The following ACAA1 variants were observed in gnomAD, a reference collection of about 807,000 sequenced individuals.
ACAA1 encodes acetyl-CoA acyltransferase 1.
In ACAA1, 44 loss-of-function variants were observed where a neutral mutation model predicts 48.8. The observed-to-expected ratio is 0.90, with a 90% CI of 0.71 to 1.16. The LOEUF (loss-of-function observed/expected upper bound fraction) is 1.16, where lower values mean the gene tolerates loss of function less well. ACAA1 is among the 50% of genes most tolerant of loss of function. ACAA1 has a pLI of 0.00. For missense variants in ACAA1, 512 were observed against 562.3 expected, an observed-to-expected ratio of 0.91 and a Z score of 0.90; for synonymous variants, 233 against 226.5, an observed-to-expected ratio of 1.03 and a Z score of -0.26.
intron 3 of ACAA1, chr3:38,132,529 G>A (rs1414938915): frequency 6.5e-6 from 1 of 153,318 alleles, no homozygotes. Context: ...CCACCTAGAC[G>A]AAGCACTCTG....
At chr3:38,133,842 A>C (rs1700835615) in intron 3 of ACAA1, 110 bp downstream of exon 3, 2 of 1,142,160 alleles carry the variant, frequency 1.8e-6, no homozygotes, top group Admixed American at 1.9e-5. Context: ...TCGTTGCCTC[A>C]TTCTGGTGTC....
In ACAA1 at chr3:38,137,026, G is replaced by C. The variant is rs1575270316; in HGVS notation, c.10C>G (p.Leu4Val). The C allele has an allele frequency of 6.4e-7, 1 of 1,565,954 alleles. No homozygotes were observed. The highest frequency in any genetic ancestry group is 1.2e-5 in the South Asian group (1 of 85,188). ...CTCAGGTGGCCCAGCACTACCTGCA[G>C]CCTCTGCATTGCGCAGGTCAACCCT... MQR[L>V]QVVLGHLRGP... Residue 4 changes from leucine to valine, a missense_variant, in exon 1 of 12, where the codon CTG (leucine) becomes GTG (valine). Leu to Val is a conservative substitution (Grantham distance 32). Coordinates refer to ENST00000333167, the MANE Select transcript of ACAA1 (RefSeq NM_001607.4).
chr3:38,131,665 C>A (rs1338723142), intron 4 of ACAA1, 27 bp from the exon 5 acceptor site: 2 of 1,613,592 alleles, frequency 1.2e-6, no homozygotes, highest in African/African-American at 2.7e-5. Context: ...TCATAAACAT[C>A]CTTTGCCAGA....
In ACAA1 at chr3:38,129,127, A is replaced by G. The variant is rs1700736800; in HGVS notation, c.545+163T>C. 6.6e-6 allele frequency among the ~76,000 whole-genome samples: 1 copy of G among 152,174 alleles called. No individual in the cohort carries two copies. The highest frequency in any genetic ancestry group is 1.5e-5 in the Non-Finnish European group (1 of 68,026). Reference sequence around the variant, plus strand: ...TGGGGCCTTCAGGAAATGGAAGTCAAGGGCAACATCAAGTCTCATCCCCAA... The same window carrying G: ...TGGGGCCTTCAGGAAATGGAAGTCAGGGGCAACATCAAGTCTCATCCCCAA... On this transcript the variant is annotated intron_variant, in intron 6 of 11. Transcript: ENST00000333167. The surrounding 1 kb of genome is among the most constrained non-coding windows in gnomAD (Gnocchi z 5.3).
chr3:38,126,610 G>A lies in ACAA1; in HGVS notation c.717C>T (p.Ser239=). Residue 239 remains serine, a synonymous_variant, in exon 8 of 12, where the codon AGC becomes AGT. Transcript: ENST00000333167. The surrounding 1 kb of genome is among the most constrained non-coding windows in gnomAD (Gnocchi z 4.7). ...TVHDDKGTKR[S]ITVTQDEGIR... ...TACCCTCATCCTGGGTCACAGTGAT[G>A]CTCCTCTTGGTGCCCTTGTCATCAT... is the stretch of plus-strand genomic sequence containing the variant. The A allele has an allele frequency of 6.2e-7, 1 of 1,614,188 alleles. No individual in the cohort carries two copies. Among genetic ancestry groups the A allele is most frequent in the Non-Finnish European group, 8.5e-7 (1 of 1,180,032 alleles).
At chr3:38,125,340 T>C (rs1057023668) in intron 11 of ACAA1, 3 of 413,158 alleles carry the variant, frequency 7.3e-6, no homozygotes, top group African/African-American at 6.1e-5. Flanking sequence ...GAGTAGAACA[T>C]GGAGTTTGAT....
chr3:38,129,433 T>G lies in ACAA1; in HGVS notation c.447-45A>C. The G allele has an allele frequency of 5.4e-4, 737 of 1,361,102 alleles. No individual in the cohort carries two copies. The highest frequency in any genetic ancestry group is 7.1e-4 in the Non-Finnish European group (674 of 952,594). The allele number at this position is 1,361,102 out of a possible 1,614,324, so 84.3% of individuals were successfully genotyped here. On this transcript the variant is annotated intron_variant, in intron 5 of 11. Transcript: ENST00000333167. The surrounding 1 kb of genome is among the most constrained non-coding windows in gnomAD (Gnocchi z 5.3). ...GGAGAAGGTAAGGTGAACTGGGCCC[T>G]AGCAGGACTCCTCCAGAGATAGCTG... is the stretch of plus-strand genomic sequence containing the variant.
Position 38,125,574 on chromosome 3 carries a change from C to A in ACAA1, c.1190G>T (p.Arg397Leu). The A allele has an allele frequency of 6.4e-7, 1 of 1,554,554 alleles. No homozygotes were observed. The highest frequency in any genetic ancestry group is 8.7e-7 in the Non-Finnish European group (1 of 1,151,430). The change falls in exon 11 of 12, where the codon CGT becomes CTT. Residue 397 changes from arginine (R) to leucine (L), a missense_variant. Arg to Leu is a moderately radical substitution (Grantham distance 102, BLOSUM62 -2). Transcript: ENST00000333167. ...VITLLNELKRRGKRAYGVVSM... is the reference protein window; with the variant it reads ...VITLLNELKRLGKRAYGVVSM... ...AGGAGCAAAGCCTTACCTCTTCCCA[C>A]GGCGCTTCAGCTCATTGAGCAGCGT...
At position 38,131,620 on chromosome 3, in the gene ACAA1, G is replaced by T; in HGVS notation, c.422C>A (p.Ser141Tyr). The change falls in exon 5 of 12, where the codon TCT becomes TAT. Residue 141 changes from serine to tyrosine, a missense_variant. Ser to Tyr is a moderately radical substitution (Grantham distance 144). Coordinates refer to ENST00000333167, the MANE Select transcript of ACAA1 (RefSeq NM_001607.4). Reference protein sequence around the residue: ...ASIAGGIRNGSYDIGMACGVE... With the variant: ...ASIAGGIRNGYYDIGMACGVE... ...CCCACAGGCCATGCCAATGTCATAA[G>T]ACCCATTTCTGATGCCACCTGTAAC... is the stretch of plus-strand genomic sequence containing the variant. The T allele has an allele frequency of 6.2e-7, 1 of 1,614,172 alleles. No individual in the cohort carries two copies. Among genetic ancestry groups the T allele is most frequent in the Non-Finnish European group, 8.5e-7 (1 of 1,180,028 alleles).
Position 38,136,927 on chromosome 3 carries a change from C to T in ACAA1, c.109G>A (p.Asp37Asn), listed in dbSNP as rs773806251. 5 of 1,539,558 alleles carry T rather than the reference C, an allele frequency of 3.2e-6. No homozygotes were observed. In the South Asian group the frequency reaches 3.6e-5, roughly 11 times the overall value. Residue 37 changes from aspartate (D) to asparagine (N), a missense_variant, in exon 1 of 12, where the codon GAC (aspartate) becomes AAC (asparagine). Physicochemically the swap from Asp to Asn is conservative, Grantham distance 23. Transcript: ENST00000333167. The part of the protein sequence containing the change: ...LSGAPQASAA[D>N]VVVVHGRRTA... ...CGCCGCCCGTGCACCACCACCACGT[C>T]CGCGGCCGAGGCCTGCGGGGCACCG... is the stretch of plus-strand genomic sequence containing the variant.
In ACAA1 at chr3:38,125,311, G is replaced by C. The variant is rs1466417416; in HGVS notation, c.1199+254C>G. Reference sequence around the variant, plus strand: ...TTTTCTCCTTGACTAGTCAAGTGTAGAAGTAAGAAGGGGGTAAAGAGTAGA... The same window carrying C: ...TTTTCTCCTTGACTAGTCAAGTGTACAAGTAAGAAGGGGGTAAAGAGTAGA... On this transcript the variant is annotated intron_variant, in intron 11 of 11. Coordinates refer to ENST00000333167, the MANE Select transcript of ACAA1 (RefSeq NM_001607.4). The C allele has an allele frequency of 8.5e-6, 3 of 355,006 alleles. No individual in the cohort carries two copies. The East Asian group carries it at 1.3e-4, about 15-fold the overall frequency. The allele number at this position is 355,006 out of a possible 1,614,324, so 22.0% of individuals were successfully genotyped here.
intron 2 of ACAA1, chr3:38,134,452 G>A (rs1298924099): frequency 8.8e-6 from 4 of 456,040 alleles, no homozygotes; most frequent in African/African-American, 2.0e-5. Context: ...TCAAGGTGAG[G>A]GGTGGAATAG....
chr3:38,125,958 C>T lies in ACAA1; in HGVS notation c.998-77G>A. ...GGGGCCCACCCCATCCATGGGCCTA[C>T]AGGCTGCCTGGTGTGTGTCTCTTCC... On this transcript the variant is annotated intron_variant, in intron 9 of 11. Transcript: ENST00000333167. 1.9e-6 allele frequency: 3 copies of T among 1,591,214 alleles called. 1 individual carries two copies. The East Asian group carries it at 6.7e-5, about 36-fold the overall frequency.
At chr3:38,130,018 C>T (rs1374158311) in intron 5 of ACAA1, among the ~76,000 whole-genome samples, 4 of 152,018 alleles carry the variant, frequency 2.6e-5, no homozygotes, top group Admixed American at 6.6e-5. Flanking sequence ...CCAGCCTGGG[C>T]GACAGAGCGA....
In ACAA1 at chr3:38,125,650, C is replaced by T. The variant is rs201922536; in HGVS notation, c.1114G>A (p.Ala372Thr). The part of the protein sequence containing the change: ...PPEKVNPLGG[A>T]VALGHPLGCT... Reference sequence around the variant, plus strand: ...CCCAGTGGGTGCCCTAAGGCCACTGCACCCCCCAGGGGGTTCACCTTCTCA... The same window carrying T: ...CCCAGTGGGTGCCCTAAGGCCACTGTACCCCCCAGGGGGTTCACCTTCTCA... Residue 372 changes from alanine (A) to threonine (T), a missense_variant, in exon 11 of 12, where the codon GCA becomes ACA. Ala to Thr is a moderately conservative substitution (Grantham distance 58). Transcript: ENST00000333167. 1.3e-6 allele frequency: 2 copies of T among 1,598,548 alleles called. No homozygotes were observed. Among genetic ancestry groups the T allele is most frequent in the African/African-American group, 1.3e-5 (1 of 74,672 alleles).
At chr3:38,133,105 G>C (rs1700819850) in intron 3 of ACAA1, among the ~76,000 whole-genome samples, 1 of 152,198 alleles carries the variant, frequency 6.6e-6, no homozygotes, top group African/African-American at 2.4e-5. Flanking sequence ...TTCAGCCTGA[G>C]AGCCTGGATA....
Position 38,137,107 on chromosome 3 carries a change from A to C in ACAA1, c.-72T>G. 1 of 1,265,252 alleles carries C rather than the reference A, an allele frequency of 7.9e-7. No homozygotes were observed. Among genetic ancestry groups the C allele is most frequent in the Non-Finnish European group, 1.1e-6 (1 of 928,332 alleles). 78.4% of individuals were successfully genotyped at this position (1,265,252 alleles called of 1,614,324 possible). A position where few individuals can be genotyped will look rare whatever the true frequency, so the allele number is the denominator to read the frequency against. ...GCGGAGTTAACAGACAGCCGTCCGC[A>C]CACGCGCAGAACCACATCTCAGCCT... On this transcript the variant is annotated 5_prime_UTR_variant, in exon 1 of 12. Coordinates refer to ENST00000333167, the MANE Select transcript of ACAA1 (RefSeq NM_001607.4).
chr3:38,129,948 G>A lies in ACAA1; in HGVS notation c.447-560C>T, dbSNP rs928592658. Among the ~76,000 whole-genome samples the A allele has an allele frequency of 6.6e-6, 1 of 152,250 alleles. No individual in the cohort carries two copies. Among genetic ancestry groups the A allele is most frequent in the African/African-American group, 2.4e-5 (1 of 41,456 alleles). ...GCGCCAGGGTGGGAGGCTGAGGCAG[G>A]AGAATGGCGTAAACCCAGGAGGCGG... On this transcript the variant is annotated intron_variant, in intron 5 of 11. Coordinates refer to ENST00000333167, the MANE Select transcript of ACAA1 (RefSeq NM_001607.4). The surrounding 1 kb of genome is among the most constrained non-coding windows in gnomAD (Gnocchi z 5.3).
rs141290344 is a variant in ACAA1, at chr3:38,126,226, C to T, written c.933G>A (p.Gly311=). The T allele has an allele frequency of 2.2e-4, 355 of 1,613,768 alleles. 6 individuals are homozygous for T. In the Middle Eastern group the frequency reaches 7.1e-3, roughly 32 times the overall value. The change falls in exon 9 of 12, where the codon GGG becomes GGA. Residue 311 remains glycine, a synonymous_variant. Transcript: ENST00000333167. The surrounding 1 kb of genome is among the most constrained non-coding windows in gnomAD (Gnocchi z 4.7). The part of the protein sequence containing the change: ...LGVLRSYAVV[G]VPPDIMGIGP... ...CAATGCCCATGATGTCAGGTGGGAC[C>T]CCAACCACTGCATAAGACCTCAGGA...
Sources: gnomAD v4.1 joint callset for allele counts (sites outside exome capture counted in the v4.1 genomes callset) on GRCh38, gnomAD v4.1.1 for gene constraint, Gnocchi (gnomAD v3.1) non-coding constraint, MANE v1.5 for transcripts, NCBI Gene and HGNC (gene_info 2026-07-23, HGNC 2026-07-21) for gene names.